SLC27A2: variants seen among roughly 807,000 people sequenced by gnomAD.
SLC27A2 encodes long-chain fatty acid transport protein 2.
In SLC27A2, 54 loss-of-function variants were observed where a neutral mutation model predicts 60.0. The ratio of observed to expected loss-of-function variants is 0.90; its 90% CI spans 0.72 to 1.13. The LOEUF (loss-of-function observed/expected upper bound fraction) is 1.13, where lower values mean the gene tolerates loss of function less well. Ranked by LOEUF, SLC27A2 falls within the 50% of genes most tolerant of loss-of-function variation. The pLI is 0.00. For missense variants in SLC27A2, 739 were observed against 777.6 expected (o/e 0.95, Z 0.59); for synonymous variants, 297 against 297.6 (o/e 1.00, Z 0.02).
intron 1 of SLC27A2, among the ~76,000 whole-genome samples, chr15:50,186,423 TG>T (rs1299834763): frequency 7.9e-5 from 7 of 88,950 alleles, no homozygotes; most frequent in African/African-American, 2.5e-4. Context: ...TGTTTTTCAT[TG>T]TTGTTTGTTT....
intron 5 of SLC27A2, among the ~76,000 whole-genome samples, chr15:50,224,001 A>G (rs888339442): frequency 6.6e-6 from 1 of 152,222 alleles, no homozygotes; most frequent in African/African-American, 2.4e-5. Context: ...AGCAAATCTC[A>G]GTGCCACCAT....
chr15:50,205,338 T>A lies in SLC27A2; in HGVS notation c.947T>A (p.Leu316His), dbSNP rs1010411521. 3 of 1,608,002 alleles carry A rather than the reference T, an allele frequency of 1.9e-6. No individual in the cohort carries two copies. In the African/African-American group the frequency reaches 4.0e-5, roughly 21 times the overall value. Residue 316 changes from leucine to histidine, a missense_variant, in exon 4 of 10, where the codon CTT (leucine) becomes CAT (histidine). Transcript: ENST00000267842. ...GTCATTCAGTATATCGGTGAACTGC[T>A]TCGGTATTTATGCAACTCACCACAG... ...VTVIQYIGEL[L>H]RYLCNSPQKP...
chr15:50,195,677 T>C (rs2045008513), intron 1 of SLC27A2, among the ~76,000 whole-genome samples: 2 of 151,974 alleles, frequency 1.3e-5, no homozygotes, highest in Admixed American at 6.6e-5. Flanking sequence ...TAAATGCATC[T>C]ATCCCGGTGA....
chr15:50,222,884 C>T (rs2045253102), intron 4 of SLC27A2, 81 bp from the exon 5 acceptor site: 2 of 1,148,546 alleles, frequency 1.7e-6, no homozygotes, highest in South Asian at 1.6e-5. Flanking sequence ...TAAATACATA[C>T]AAAATAAAGG....
intron 4 of SLC27A2, among the ~76,000 whole-genome samples, chr15:50,217,825 G>T (rs1168381039): frequency 6.6e-6 from 1 of 152,102 alleles, no homozygotes; most frequent in East Asian, 1.9e-4. Context: ...GGAGGCTGAG[G>T]TGGGCGGATC....
At chr15:50,201,449 G>T (rs2045062558) in intron 2 of SLC27A2, among the ~76,000 whole-genome samples, 1 of 151,822 alleles carries the variant, frequency 6.6e-6, no homozygotes. Flanking sequence ...CTGAGAAAGA[G>T]AATAAATAAA....
chr15:50,191,924 G>T (rs1382016473), intron 1 of SLC27A2, among the ~76,000 whole-genome samples: 1 of 152,046 alleles, frequency 6.6e-6, no homozygotes, highest in African/African-American at 2.4e-5. Context: ...GCCGGGCATG[G>T]TGACAGCCGC....
Position 50,219,523 on chromosome 15 carries a change from T to TA in SLC27A2, c.973-3432dup, listed in dbSNP as rs11342659. Among the ~76,000 whole-genome samples, 57 of 149,802 alleles carry TA rather than the reference T, an allele frequency of 3.8e-4. 1 individual carries two copies. Among genetic ancestry groups the TA allele is most frequent in the Admixed American group, 7.3e-4 (11 of 15,048 alleles). On this transcript the variant is annotated intron_variant, in intron 4 of 9. Transcript: ENST00000267842. ...GGACGCCCTCTCAAGTGCAGGGCTT[T>TA]AAAAAAAAAATAAGGAAAAGAGCTC... is the stretch of plus-strand genomic sequence containing the variant.
intron 4 of SLC27A2, among the ~76,000 whole-genome samples, chr15:50,211,694 A>T (rs1269809607): frequency 6.6e-6 from 1 of 152,202 alleles, no homozygotes; most frequent in Non-Finnish European, 1.5e-5. Flanking sequence ...GAGGAACCAG[A>T]GAAATATGAA....
chr15:50,209,091 A>T (rs1386499153), intron 4 of SLC27A2, among the ~76,000 whole-genome samples: 4 of 152,166 alleles, frequency 2.6e-5, no homozygotes, highest in African/African-American at 9.7e-5. Flanking sequence ...AAGGGAACCA[A>T]AAAAGAGTTC....
chr15:50,217,862 T>C (rs1461980460), intron 4 of SLC27A2, among the ~76,000 whole-genome samples: 1 of 151,858 alleles, frequency 6.6e-6, no homozygotes, highest in Non-Finnish European at 1.5e-5. Context: ...AAGACCAGCC[T>C]GGCCAACATG....
At chr15:50,216,903 A>G (rs1397447593) in intron 4 of SLC27A2, among the ~76,000 whole-genome samples, 1 of 147,658 alleles carries the variant, frequency 6.8e-6, no homozygotes, top group East Asian at 1.9e-4. Flanking sequence ...TCCAAAAAAT[A>G]TATATATATT....
chr15:50,184,598 G>A (rs911858059), intron 1 of SLC27A2, among the ~76,000 whole-genome samples: 1 of 152,086 alleles, frequency 6.6e-6, no homozygotes, highest in African/African-American at 2.4e-5. Context: ...CACTTTGGGA[G>A]GCCGAGGCAG....
intron 4 of SLC27A2, among the ~76,000 whole-genome samples, chr15:50,213,810 C>T (rs928550098): frequency 2.6e-4 from 40 of 152,092 alleles, no homozygotes; most frequent in East Asian, 1.2e-3. Context: ...ACAACAAAGG[C>T]GGTGCTAAGA....
intron 3 of SLC27A2, 67 bp from the exon 4 acceptor site, chr15:50,205,172 A>G: frequency 2.0e-6 from 3 of 1,538,368 alleles, no homozygotes; most frequent in Non-Finnish European, 2.7e-6. Flanking sequence ...AAGTTGACAA[A>G]TTAAACATAA....
intron 7 of SLC27A2, among the ~76,000 whole-genome samples, chr15:50,227,947 C>T (rs1189695383): frequency 6.6e-6 from 1 of 152,218 alleles, no homozygotes; most frequent in Non-Finnish European, 1.5e-5. Flanking sequence ...CCATTCTGGA[C>T]CTCAGTCCTT....
At position 50,228,963 on chromosome 15, in the gene SLC27A2, G is replaced by A. The variant is rs145639775; in HGVS notation, c.1476G>A (p.Val492=). 1,008 of 1,613,754 alleles carry A rather than the reference G, an allele frequency of 6.2e-4. No individual in the cohort carries two copies. Among genetic ancestry groups the A allele is most frequent in the Non-Finnish European group, 7.8e-4 (926 of 1,179,634 alleles). ...GDTFRWKGEN[V]ATTEVADTVG... is the part of the protein sequence containing the mutation. ...CTTCCAGGTGGAAAGGGGAAAATGT[G>A]GCCACCACTGAAGTTGCTGATACAG... Residue 492 remains valine (V), a synonymous_variant, in exon 8 of 10, where the codon GTG becomes GTA. Coordinates refer to ENST00000267842, the MANE Select transcript of SLC27A2 (RefSeq NM_003645.4).
intron 1 of SLC27A2, among the ~76,000 whole-genome samples, chr15:50,186,173 G>T (rs2044920933): frequency 6.6e-6 from 1 of 152,146 alleles, no homozygotes; most frequent in African/African-American, 2.4e-5. Flanking sequence ...GAGCCCGGGA[G>T]GTTGAGGCTG....
Position 50,235,918 on chromosome 15 carries a change from A to T in SLC27A2, c.1687-2A>T. 6.2e-7 allele frequency: 1 copy of T among 1,603,744 alleles called. No individual in the cohort carries two copies. The highest frequency in any genetic ancestry group is 8.5e-7 in the Non-Finnish European group (1 of 1,172,918). On this transcript the variant is annotated splice_acceptor_variant, in intron 9 of 9. Transcript: ENST00000267842. LOFTEE classifies it high-confidence loss of function. ...AAATGTGGATTATTTGATGTTTTTCAGGACACCATTGAGATCACTGGAACT... is the reference window on the plus strand; with the variant it reads ...AAATGTGGATTATTTGATGTTTTTCTGGACACCATTGAGATCACTGGAACT...
Sources: allele counts gnomAD v4.1 joint callset (sites outside exome capture counted in the v4.1 genomes callset), GRCh38; gene constraint gnomAD v4.1.1; transcripts MANE v1.5; gene names NCBI Gene and HGNC (gene_info 2026-07-23, HGNC 2026-07-21).